Variants in CSNK1G3 observed in about 807,000 individuals in gnomAD.
The protein encoded by CSNK1G3 is casein kinase 1 gamma 3.
A neutral mutation model predicts 64.3 loss-of-function variants in CSNK1G3; 23 were observed. The ratio of observed to expected loss-of-function variants is 0.36; its 90% CI spans 0.26 to 0.51. The LOEUF (loss-of-function observed/expected upper bound fraction) is 0.51. CSNK1G3 is among the 20% of genes least tolerant of loss of function. The pLI is 0.96. For missense variants in CSNK1G3, 357 were observed against 510.5 expected, an observed-to-expected ratio of 0.70 and a Z score of 2.90; for synonymous variants, 158 against 162.2, an observed-to-expected ratio of 0.97 and a Z score of 0.20.
intron 1 of CSNK1G3, among the ~76,000 whole-genome samples, chr5:123,528,756 CT>C (rs1779457692): frequency 6.6e-6 from 1 of 152,134 alleles, no homozygotes; most frequent in South Asian, 2.1e-4. Flanking sequence ...AGCTAGATTA[CT>C]TTTTAAGAGA....
At chr5:123,595,994 A>G (rs1349442902) in intron 10 of CSNK1G3, among the ~76,000 whole-genome samples, 1 of 151,798 alleles carries the variant, frequency 6.6e-6, no homozygotes, top group Non-Finnish European at 1.5e-5. Context: ...TTCTTTACAT[A>G]TTTTCACTTG....
At chr5:123,566,343 A>G (rs1320447814) in intron 4 of CSNK1G3, among the ~76,000 whole-genome samples, 1 of 152,194 alleles carries the variant, frequency 6.6e-6, no homozygotes, top group African/African-American at 2.4e-5. Context: ...TGAAAAGTAA[A>G]GATATTGGAA....
chr5:123,541,269 A>G (rs1248855247), intron 1 of CSNK1G3, among the ~76,000 whole-genome samples: 1 of 152,034 alleles, frequency 6.6e-6, no homozygotes, highest in East Asian at 1.9e-4. Flanking sequence ...TGATATTTTT[A>G]TCATTATGAA....
chr5:123,536,618 G>C (rs183057663), intron 1 of CSNK1G3, among the ~76,000 whole-genome samples: 37 of 151,946 alleles, frequency 2.4e-4, no homozygotes, highest in African/African-American at 8.7e-4. Context: ...TAATTACTCT[G>C]ATGTGATCAC....
chr5:123,525,375 G>A (rs1457863359), intron 1 of CSNK1G3, among the ~76,000 whole-genome samples: 2 of 150,824 alleles, frequency 1.3e-5, no homozygotes, highest in South Asian at 2.1e-4. Flanking sequence ...GCAGTGGTGC[G>A]ATCTCGGCTC....
At chr5:123,591,957 G>A (rs1347256641) in intron 10 of CSNK1G3, among the ~76,000 whole-genome samples, 1 of 152,134 alleles carries the variant, frequency 6.6e-6, no homozygotes, top group East Asian at 1.9e-4. Flanking sequence ...CTATAAAATG[G>A]AAATAATGCA....
At chr5:123,549,836 T>G (rs1783303036) in intron 2 of CSNK1G3, among the ~76,000 whole-genome samples, 1 of 152,244 alleles carries the variant, frequency 6.6e-6, no homozygotes, top group Non-Finnish European at 1.5e-5. Context: ...GAAGAGAATA[T>G]TATGTATTGT....
At chr5:123,533,240 C>T (rs1196689514) in intron 1 of CSNK1G3, among the ~76,000 whole-genome samples, 1 of 151,884 alleles carries the variant, frequency 6.6e-6, no homozygotes, top group East Asian at 1.9e-4. Context: ...ACCTATTTCC[C>T]ATTAACAGCT....
chr5:123,561,357 A>T (rs1173409721), intron 4 of CSNK1G3, among the ~76,000 whole-genome samples: 1 of 152,214 alleles, frequency 6.6e-6, no homozygotes, highest in Admixed American at 6.5e-5. Flanking sequence ...GAGAGTATAG[A>T]GGTTGACAAG....
At chr5:123,591,254 C>T in intron 9 of CSNK1G3, 65 bp from the exon 10 acceptor site, 1 of 986,572 alleles carries the variant, frequency 1.0e-6, no homozygotes, top group South Asian at 1.9e-5. Flanking sequence ...TTTTAAGCAG[C>T]TAAATGATTT....
chr5:123,560,978 G>A (rs1285992399), intron 4 of CSNK1G3, among the ~76,000 whole-genome samples: 3 of 152,126 alleles, frequency 2.0e-5, no homozygotes, highest in Non-Finnish European at 4.4e-5. Context: ...CAAATTCTAT[G>A]TGTATTTTAC....
At chr5:123,608,237 C>T (rs1795706420) in intron 12 of CSNK1G3, among the ~76,000 whole-genome samples, 1 of 152,116 alleles carries the variant, frequency 6.6e-6, no homozygotes, top group African/African-American at 2.4e-5. Context: ...CTCACCCCAC[C>T]CCATTTACTA....
intron 4 of CSNK1G3, among the ~76,000 whole-genome samples, chr5:123,558,039 C>A (rs1383938403): frequency 6.6e-6 from 1 of 152,130 alleles, no homozygotes; most frequent in Non-Finnish European, 1.5e-5. Flanking sequence ...CATTTACACA[C>A]ACAGAAAAGG....
At chr5:123,551,454 T>G (rs6867855) in intron 2 of CSNK1G3, among the ~76,000 whole-genome samples, 34,334 of 152,110 alleles carry the variant, frequency 0.23, 4,137 homozygotes, top group African/African-American at 0.29. Context: ...TCTGTTGAGT[T>G]CCATCCTTTT....
At chr5:123,522,756 G>T (rs1159642294) in intron 1 of CSNK1G3, among the ~76,000 whole-genome samples, 1 of 152,012 alleles carries the variant, frequency 6.6e-6, no homozygotes, top group Non-Finnish European at 1.5e-5. Flanking sequence ...TCAATCTGCA[G>T]TTGGTTGAAT....
chr5:123,527,586 C>A (rs1187368439), intron 1 of CSNK1G3, among the ~76,000 whole-genome samples: 1 of 152,170 alleles, frequency 6.6e-6, no homozygotes, highest in Admixed American at 6.5e-5. Context: ...TCATTACTCT[C>A]AAATAAGCCT....
exon 13 of CSNK1G3, chr5:123,614,551 A>C: frequency 1.8e-6 from 1 of 569,098 alleles, no homozygotes; most frequent in Non-Finnish European, 2.9e-6. Flanking sequence ...GTTGTCTTAC[A>C]TTCTTTTTCT....
At chr5:123,542,038 A>G (rs570108461) in intron 1 of CSNK1G3, among the ~76,000 whole-genome samples, 3 of 152,250 alleles carry the variant, frequency 2.0e-5, no homozygotes, top group African/African-American at 7.2e-5. Flanking sequence ...TTGGCTACCT[A>G]GAATGAATGT....
intron 3 of CSNK1G3, among the ~76,000 whole-genome samples, chr5:123,556,352 A>G (rs1009604012): frequency 2.0e-5 from 3 of 152,062 alleles, no homozygotes; most frequent in African/African-American, 7.2e-5. Context: ...CATAGCAATA[A>G]TTTATCCAGT....
Sources: allele counts gnomAD v4.1 joint callset (sites outside exome capture counted in the v4.1 genomes callset), GRCh38; gene constraint gnomAD v4.1.1; transcripts MANE v1.5; gene names NCBI Gene and HGNC (gene_info 2026-07-23, HGNC 2026-07-21).